The following RAB13 variants were observed in gnomAD, a reference collection of about 807,000 sequenced individuals.
RAB13 encodes RAB13, member RAS oncogene family.
A neutral mutation model predicts 29.3 loss-of-function variants in RAB13; 15 were observed. The ratio of observed to expected loss-of-function variants is 0.51; its 90% CI spans 0.34 to 0.79. RAB13 has a LOEUF of 0.79. RAB13 is among the 30% of genes least tolerant of loss of function. The pLI is 0.01. For synonymous variants in RAB13, 82 were observed against 93.8 expected, an observed-to-expected ratio of 0.87 and a Z score of 0.73; for missense variants, 186 against 255.5, an observed-to-expected ratio of 0.73 and a Z score of 1.85.
At chr1:153,986,406 C>T, upstream of RAB13, 1 of 612,010 alleles carries the variant, frequency 1.6e-6, no homozygotes, top group Non-Finnish European at 2.9e-6. Context: ...GGGCTCCACC[C>T]CCTGCCCGCC....
chr1:153,986,174 C>G lies in RAB13; in HGVS notation c.63G>C (p.Lys21Asn). 6.2e-7 allele frequency: 1 copy of G among 1,613,832 alleles called. No individual in the cohort carries two copies. Among genetic ancestry groups the G allele is most frequent in the African/African-American group, 1.3e-5 (1 of 75,048 alleles). Residue 21 changes from lysine (K) to asparagine (N), a missense_variant, in exon 1 of 8, where the codon AAG (lysine) becomes AAC (asparagine). Lys to Asn is a moderately conservative substitution (Grantham distance 94). Transcript: ENST00000368575. ...LLLIGDSGVG[K>N]TCLIIRFAED... ...CTGCAAAGCGAATGATCAGACAAGTCTTGCCCACCCCCGAGTCCCCGATCA... is the reference window on the plus strand; with the variant it reads ...CTGCAAAGCGAATGATCAGACAAGTGTTGCCCACCCCCGAGTCCCCGATCA...
upstream of RAB13, among the ~76,000 whole-genome samples, chr1:153,987,774 CAAAAAAAAAAAAA>C (rs60689643): frequency 1.8e-5 from 1 of 54,314 alleles, no homozygotes; most frequent in Admixed American, 2.1e-4. Flanking sequence ...ACTGCTTCGA[CAAAAAAAAAAAAA>C]AAAAAAAAAA....
At chr1:153,987,775 A>C (rs201442203), upstream of RAB13, among the ~76,000 whole-genome samples, 881 of 30,690 alleles carry the variant, frequency 0.029, 12 homozygotes, top group East Asian at 0.34. Flanking sequence ...CTGCTTCGAC[A>C]AAAAAAAAAA....
chr1:153,984,606 TAGCAC>T, intron 2 of RAB13, 110 bp downstream of exon 2: 1 of 901,442 alleles, frequency 1.1e-6, no homozygotes, highest in Non-Finnish European at 1.7e-6. Flanking sequence ...GTGCTCCTTC[TAGCAC>T]TTCTAGAAGG....
chr1:153,989,630 C>A (rs1204677464), upstream of RAB13, among the ~76,000 whole-genome samples: 3 of 151,916 alleles, frequency 2.0e-5, no homozygotes, highest in African/African-American at 7.2e-5. Flanking sequence ...CGGTGTCTCA[C>A]GCCTGTATTC....
At chr1:153,987,774 C>CA (rs60689643), upstream of RAB13, among the ~76,000 whole-genome samples, 14,769 of 54,252 alleles carry the variant, frequency 0.27, 2,914 homozygotes, top group Non-Finnish European at 0.36. Flanking sequence ...ACTGCTTCGA[C>CA]AAAAAAAAAA....
In RAB13 at chr1:153,986,237, G is replaced by A. The variant is rs1296608380; in HGVS notation, c.-1C>T. On this transcript the variant is annotated 5_prime_UTR_variant, in exon 1 of 8. Coordinates refer to ENST00000368575, the MANE Select transcript of RAB13 (RefSeq NM_002870.5). ...AGAGGTGGTCGTAGGCTTTGGCCAT[G>A]GCGGACACCGGGGGAGCCGGGGGAG... 1.2e-6 allele frequency: 2 copies of A among 1,611,830 alleles called. No individual in the cohort carries two copies. Among genetic ancestry groups the A allele is most frequent in the East Asian group, 4.5e-5 (2 of 44,836 alleles).
chr1:153,987,544 G>GAA (rs1649213807), upstream of RAB13, among the ~76,000 whole-genome samples: 2 of 147,880 alleles, frequency 1.4e-5, no homozygotes, highest in South Asian at 2.1e-4. Flanking sequence ...AAGAAAGAAA[G>GAA]AGAGTAAAAG....
In RAB13 at chr1:153,982,126, C is replaced by T. The variant is rs1385936989; in HGVS notation, c.585G>A (p.Lys195=). ...AGCCCAGGGAGCACTTGTTGGTGTT[C>T]TTCTTGTCACAAGTTTTCAGGTCAG... ...PSTDLKTCDK[K]NTNKCSLG Residue 195 remains lysine (K), a synonymous_variant, in exon 8 of 8, where the codon AAG becomes AAA. Transcript: ENST00000368575. 6.2e-7 allele frequency: 1 copy of T among 1,613,316 alleles called. No homozygotes were observed. The highest frequency in any genetic ancestry group is 8.5e-7 in the Non-Finnish European group (1 of 1,179,934).
At chr1:153,982,487 C>T in intron 6 of RAB13, 43 bp from the exon 7 acceptor site, 2 of 1,607,578 alleles carry the variant, frequency 1.2e-6, no homozygotes, top group African/African-American at 1.3e-5. Context: ...GGAGAATCTA[C>T]CTTCTAATAC....
upstream of RAB13, among the ~76,000 whole-genome samples, chr1:153,990,313 G>A (rs1390836956): frequency 1.3e-5 from 2 of 152,168 alleles, no homozygotes; most frequent in African/African-American, 4.8e-5. Flanking sequence ...TGATCCACCC[G>A]CCTTGGCCTC....
rs970716238 is a variant in RAB13, at chr1:153,986,275, C to G, written c.-39G>C. On this transcript the variant is annotated 5_prime_UTR_variant, in exon 1 of 8. Coordinates refer to ENST00000368575, the MANE Select transcript of RAB13 (RefSeq NM_002870.5). ...GGAGCCGGGGGAGGGGTGGGGAGCG[C>G]CCGGCACTGGTAGGCGGGACTGGAC... The G allele has an allele frequency of 1.7e-5, 27 of 1,570,688 alleles. No homozygotes were observed. The highest frequency in any genetic ancestry group is 2.0e-5 in the Non-Finnish European group (23 of 1,145,708).
chr1:153,988,851 A>G (rs1472309998), upstream of RAB13, among the ~76,000 whole-genome samples: 1 of 149,338 alleles, frequency 6.7e-6, no homozygotes, highest in African/African-American at 2.4e-5. Context: ...ACCTCAGGTG[A>G]TCCACCCACC....
intron 4 of RAB13, 47 bp from the exon 5 acceptor site, chr1:153,982,855 G>T (rs369273010): frequency 1.1e-5 from 17 of 1,583,424 alleles, no homozygotes; most frequent in Middle Eastern, 3.3e-4. Context: ...GGCTGGGAGC[G>T]GTGGCTCACG....
intron 4 of RAB13, 155 bp from the exon 5 acceptor site, chr1:153,982,963 T>C: frequency 1.3e-6 from 1 of 788,454 alleles, no homozygotes. Context: ...CCGTCTCTAC[T>C]AAAAATGCAA....
intron 4 of RAB13, 94 bp downstream of exon 4, chr1:153,983,125 C>CA (rs370008084): frequency 0.096 from 74,987 of 779,288 alleles, no homozygotes; most frequent in Non-Finnish European, 0.1. Flanking sequence ...AACTTCATCT[C>CA]AAAAAAAAAA....
intron 2 of RAB13, 90 bp from the exon 3 acceptor site, chr1:153,983,671 G>A (rs1649067686): frequency 8.5e-7 from 1 of 1,172,750 alleles, no homozygotes; most frequent in South Asian, 1.3e-5. Flanking sequence ...TTTAGCTTTT[G>A]TAACATGGTG....
Position 153,986,325 on chromosome 1 carries a change from G to GC in RAB13, c.-90dup. ...CGGTTGGCAAACAGAGCGGCACGGA[G>GC]CCCAGGCCAGGAAGAAGTTTTCCTC... On this transcript the variant is annotated 5_prime_UTR_variant, in exon 1 of 8. Coordinates refer to ENST00000368575, the MANE Select transcript of RAB13 (RefSeq NM_002870.5). The GC allele has an allele frequency of 9.1e-7, 1 of 1,096,898 alleles. No individual in the cohort carries two copies. The highest frequency in any genetic ancestry group is 1.3e-6 in the Non-Finnish European group (1 of 745,858). 67.9% of individuals were successfully genotyped at this position (1,096,898 alleles called of 1,614,324 possible). A position where few individuals can be genotyped will look rare whatever the true frequency, so the allele number is the denominator to read the frequency against.
upstream of RAB13, chr1:153,990,609 C>T (rs928295540): frequency 3.0e-6 from 2 of 669,142 alleles, no homozygotes; most frequent in Non-Finnish European, 5.4e-6. Context: ...ATATGTGTCA[C>T]AACTAACAGT....
Sources: allele counts gnomAD v4.1 joint callset (sites outside exome capture counted in the v4.1 genomes callset), GRCh38; gene constraint gnomAD v4.1.1; transcripts MANE v1.5; gene names NCBI Gene and HGNC (gene_info 2026-07-23, HGNC 2026-07-21).